The following COL21A1 variants were observed in gnomAD, a reference collection of about 807,000 sequenced individuals.
COL21A1 encodes collagen type XXI alpha 1 chain.
COL21A1 carries 149 observed loss-of-function variants against 137.9 expected under a neutral mutation model. The observed-to-expected ratio is 1.08, with a 90% CI of 0.95 to 1.24. COL21A1 has a LOEUF of 1.24. COL21A1 is among the 50% of genes most tolerant of loss of function. COL21A1 has a pLI of 0.00. For missense variants in COL21A1, 1,167 were observed against 1,158.4 expected (o/e 1.01, Z -0.11); for synonymous variants, 456 against 391.5 (o/e 1.16, Z -1.95).
At chr6:56,243,443 A>T (rs562774089) in intron 1 of COL21A1, among the ~76,000 whole-genome samples, 3 of 152,304 alleles carry the variant, frequency 2.0e-5, no homozygotes, top group African/African-American at 7.2e-5. Flanking sequence ...AAATTATCCC[A>T]TTAAATAAAA....
At chr6:56,247,029 G>A (rs991595311) in intron 1 of COL21A1, among the ~76,000 whole-genome samples, 18 of 152,200 alleles carry the variant, frequency 1.2e-4, no homozygotes, top group African/African-American at 3.9e-4. Flanking sequence ...TCAGCGCCAC[G>A]TGTGGACGCT....
Position 56,171,025 on chromosome 6 carries a change from C to G in COL21A1, c.744G>C (p.Gln248His). Residue 248 changes from glutamine (Q) to histidine (H), a missense_variant, in exon 4 of 30, where the codon CAG (glutamine) becomes CAC (histidine). By Grantham distance (24) the Gln-to-His change is conservative. Coordinates refer to ENST00000244728, the MANE Select transcript of COL21A1 (RefSeq NM_030820.4). Reference protein sequence around the residue: ...DVNKKVKKRIQLSPKKIKGYE... With the variant: ...DVNKKVKKRIHLSPKKIKGYE... Reference sequence around the variant, plus strand: ...ATCCTTTTATCTTTTTTGGTGAAAGCTGTATTCTTTTCTTAACCTTTTTAT... The same window carrying G: ...ATCCTTTTATCTTTTTTGGTGAAAGGTGTATTCTTTTCTTAACCTTTTTAT... 1 of 1,607,358 alleles carries G rather than the reference C, an allele frequency of 6.2e-7. No homozygotes were observed. The highest frequency in any genetic ancestry group is 8.5e-7 in the Non-Finnish European group (1 of 1,177,350).
chr6:56,097,648 A>T (rs1027295697), intron 17 of COL21A1, among the ~76,000 whole-genome samples: 3 of 149,720 alleles, frequency 2.0e-5, no homozygotes, highest in Non-Finnish European at 3.0e-5. Context: ...GGGAGCAGGC[A>T]GGGCAAAAAC....
intron 1 of COL21A1, among the ~76,000 whole-genome samples, chr6:56,334,752 G>C (rs1032642293): frequency 1.3e-5 from 2 of 152,146 alleles, no homozygotes; most frequent in Non-Finnish European, 2.9e-5. Flanking sequence ...CCTTTAATGA[G>C]TGATTAGGTC....
intron 1 of COL21A1, among the ~76,000 whole-genome samples, chr6:56,328,301 A>T (rs766517188): frequency 1.4e-4 from 22 of 152,070 alleles, no homozygotes; most frequent in Non-Finnish European, 2.8e-4. Flanking sequence ...CTCAAATTTG[A>T]TAATACAATA....
At chr6:56,113,620 G>T (rs1188895109) in intron 16 of COL21A1, among the ~76,000 whole-genome samples, 2 of 152,178 alleles carry the variant, frequency 1.3e-5, no homozygotes, top group Admixed American at 1.3e-4. Flanking sequence ...GGCTTCATGT[G>T]AGACTCAGCC....
At chr6:56,324,962 A>T (rs1582781423) in intron 1 of COL21A1, among the ~76,000 whole-genome samples, 1 of 151,744 alleles carries the variant, frequency 6.6e-6, no homozygotes, top group South Asian at 2.1e-4. Flanking sequence ...CTGAAGATGA[A>T]GGGTCACAAA....
At chr6:56,376,096 C>T (rs1271426949) in intron 1 of COL21A1, among the ~76,000 whole-genome samples, 1 of 152,110 alleles carries the variant, frequency 6.6e-6, no homozygotes, top group Non-Finnish European at 1.5e-5. Flanking sequence ...ACAAGGAGTG[C>T]TCAAGAAGTG....
intron 17 of COL21A1, among the ~76,000 whole-genome samples, chr6:56,085,981 T>C (rs1768205261): frequency 6.7e-6 from 1 of 148,650 alleles, no homozygotes; most frequent in African/African-American, 2.4e-5. Context: ...TTTTATATTA[T>C]ATATAAAAAT....
At chr6:56,235,074 AAG>A (rs1387612852) in intron 1 of COL21A1, among the ~76,000 whole-genome samples, 1 of 151,878 alleles carries the variant, frequency 6.6e-6, no homozygotes, top group Non-Finnish European at 1.5e-5. Flanking sequence ...TCATAGCTCT[AAG>A]GCTTATCTGA....
chr6:56,124,925 A>AT (rs1772903401), intron 14 of COL21A1, among the ~76,000 whole-genome samples: 1 of 149,094 alleles, frequency 6.7e-6, no homozygotes, highest in East Asian at 2.0e-4. Flanking sequence ...GATTACAGGC[A>AT]TGAGCCACCG....
intron 1 of COL21A1, among the ~76,000 whole-genome samples, chr6:56,268,110 C>T (rs1037194836): frequency 2.0e-5 from 3 of 152,096 alleles, no homozygotes; most frequent in Non-Finnish European, 2.9e-5. Flanking sequence ...TCAATTCAAG[C>T]GGAGATGTGT....
chr6:56,209,853 A>G (rs1780045042), intron 1 of COL21A1, among the ~76,000 whole-genome samples: 1 of 152,230 alleles, frequency 6.6e-6, no homozygotes, highest in South Asian at 2.1e-4. Flanking sequence ...ACTGTTCACA[A>G]TAGCAAAGAC....
intron 1 of COL21A1, among the ~76,000 whole-genome samples, chr6:56,217,855 T>C (rs991243263): frequency 6.6e-6 from 1 of 152,062 alleles, no homozygotes; most frequent in Non-Finnish European, 1.5e-5. Context: ...TCCAGTTAAC[T>C]CCAGTCCTAA....
At chr6:56,122,363 C>T (rs1412850165) in intron 16 of COL21A1, among the ~76,000 whole-genome samples, 3 of 150,788 alleles carry the variant, frequency 2.0e-5, no homozygotes, top group East Asian at 2.0e-4. Context: ...CCCAGGCTGG[C>T]GTGCAGTGGC....
At chr6:56,369,489 A>C (rs1766179159) in intron 1 of COL21A1, among the ~76,000 whole-genome samples, 2 of 152,096 alleles carry the variant, frequency 1.3e-5, no homozygotes, top group South Asian at 4.2e-4. Flanking sequence ...GCTTTTCTGG[A>C]CATAAAGGTA....
At chr6:56,146,629 G>T (rs1246345437) in intron 10 of COL21A1, among the ~76,000 whole-genome samples, 1 of 151,936 alleles carries the variant, frequency 6.6e-6, no homozygotes, top group Admixed American at 6.6e-5. Context: ...AAGAGACAAG[G>T]GAATACTAAA....
At chr6:56,285,762 C>T (rs1281920804) in intron 1 of COL21A1, among the ~76,000 whole-genome samples, 2 of 151,998 alleles carry the variant, frequency 1.3e-5, no homozygotes, top group Non-Finnish European at 2.9e-5. Context: ...TAAAACCTTC[C>T]TCCAGGACCC....
At chr6:56,277,057 T>C (rs1017816021) in intron 1 of COL21A1, among the ~76,000 whole-genome samples, 2 of 152,008 alleles carry the variant, frequency 1.3e-5, no homozygotes, top group Non-Finnish European at 2.9e-5. Flanking sequence ...CCTGACCTCA[T>C]GATCCGCCCG....
Sources: allele counts gnomAD v4.1 joint callset (sites outside exome capture counted in the v4.1 genomes callset), GRCh38; gene constraint gnomAD v4.1.1; transcripts MANE v1.5; gene names NCBI Gene and HGNC (gene_info 2026-07-23, HGNC 2026-07-21).